ABLIM1: variants seen among roughly 807,000 people sequenced by gnomAD.
ABLIM1 encodes actin binding LIM protein 1, also known as actin-binding LIM protein 1.
Under a neutral mutation model 107.0 loss-of-function variants are expected in ABLIM1, and 40 were observed. The ratio of observed to expected loss-of-function variants is 0.37; its 90% confidence interval spans 0.29 to 0.49. ABLIM1 has a LOEUF of 0.49. Among genes scored for constraint, ABLIM1 ranks in the 20% least tolerant of loss-of-function variants. The probability of loss-of-function intolerance (pLI) is 0.97; values close to 1 mark genes in which losing one functional copy is unlikely to be tolerated. For synonymous variants in ABLIM1, 357 were observed against 357.3 expected (o/e 1.00, Z 0.01); for missense variants, 857 against 1,008.5 (o/e 0.85, Z 2.04).
chr10:114,608,789 TG>T (rs748326090), intron 1 of ABLIM1, among the ~76,000 whole-genome samples: 24 of 151,514 alleles, frequency 1.6e-4, no homozygotes, highest in Non-Finnish European at 2.8e-4. Context: ...CCAAGGCGGG[TG>T]GATCAACTGA....
chr10:114,657,854 T>C (rs1391881920), intron 1 of ABLIM1, 103 bp downstream of exon 1: 2 of 991,020 alleles, frequency 2.0e-6, no homozygotes, highest in Non-Finnish European at 3.0e-6. Context: ...GGATAGTGTT[T>C]CCTTTGAAGA....
intron 15 of ABLIM1, among the ~76,000 whole-genome samples, chr10:114,447,504 C>A (rs902378756): frequency 6.6e-6 from 1 of 152,190 alleles, no homozygotes. Flanking sequence ...TACAAACATT[C>A]GGTAAATTCA....
At chr10:114,453,968 T>G (rs180777865) in intron 12 of ABLIM1, among the ~76,000 whole-genome samples, 1 of 152,342 alleles carries the variant, frequency 6.6e-6, no homozygotes, top group Admixed American at 6.5e-5. Flanking sequence ...GGAACCCGTG[T>G]GGTCACCAAG....
intron 4 of ABLIM1, among the ~76,000 whole-genome samples, chr10:114,560,090 C>T (rs1225493672): frequency 6.6e-6 from 1 of 152,190 alleles, no homozygotes; most frequent in South Asian, 2.1e-4. Flanking sequence ...AGAAAACTGG[C>T]CACCAATGCT....
At chr10:114,453,576 C>T (rs763646704) in intron 12 of ABLIM1, 93 bp from the exon 13 acceptor site, 179 of 1,038,078 alleles carry the variant, frequency 1.7e-4, no homozygotes, top group Non-Finnish European at 2.2e-4. Flanking sequence ...AAACAACAGA[C>T]TGGAAGGAGG....
intron 1 of ABLIM1, among the ~76,000 whole-genome samples, chr10:114,606,477 G>A (rs974636319): frequency 1.3e-4 from 19 of 151,926 alleles, no homozygotes; most frequent in Non-Finnish European, 1.2e-4. Context: ...CTTGTGATCC[G>A]CCCGCCGTGG....
At chr10:114,620,162 G>C (rs2077375996) in intron 1 of ABLIM1, among the ~76,000 whole-genome samples, 1 of 152,308 alleles carries the variant, frequency 6.6e-6, no homozygotes, top group South Asian at 2.1e-4. Flanking sequence ...CATAAAATAA[G>C]TTTAATGGAT....
At chr10:114,545,712 G>T (rs1366431532) in intron 5 of ABLIM1, among the ~76,000 whole-genome samples, 1 of 151,972 alleles carries the variant, frequency 6.6e-6, no homozygotes, top group Non-Finnish European at 1.5e-5. Flanking sequence ...ATCAACTGAG[G>T]TCAGGAGTTT....
chr10:114,584,218 G>A (rs12772307), intron 2 of ABLIM1, among the ~76,000 whole-genome samples: 58,091 of 152,018 alleles, frequency 0.38, 13,024 homozygotes, highest in Non-Finnish European at 0.51. Context: ...AGGCTGTCAT[G>A]TGCTAGAGCT....
chr10:114,603,637 T>TA lies in ABLIM1; in HGVS notation c.245-1677dup, dbSNP rs869124405. 7.9e-3 allele frequency among the ~76,000 whole-genome samples: 1,105 copies of TA among 139,458 alleles called. 14 individuals carry two copies. Among genetic ancestry groups the TA allele is most frequent in the Middle Eastern group, 0.021 (6 of 282 alleles). The allele number at this position is 139,458 out of a possible 152,430, so 91.5% of individuals were successfully genotyped here. ...GCCAAAAAACCTATCCCTTGCACATTAAAAAAAAAAAAAAGAAGAAGAAAA... is the reference window on the plus strand; with the variant it reads ...GCCAAAAAACCTATCCCTTGCACATTAAAAAAAAAAAAAAAGAAGAAGAAAA... On this transcript the variant is annotated intron_variant, in intron 1 of 22. Coordinates refer to ENST00000533213, the MANE Select transcript of ABLIM1 (RefSeq NM_002313.7).
chr10:114,589,572 C>A (rs1053213111), intron 2 of ABLIM1, among the ~76,000 whole-genome samples: 1 of 150,840 alleles, frequency 6.6e-6, no homozygotes, highest in African/African-American at 2.4e-5. Context: ...TGGTATGTTG[C>A]CCAAGCTGGA....
chr10:114,770,462 AAT>A (rs935940825), upstream of ABLIM1, among the ~76,000 whole-genome samples: 16 of 150,294 alleles, frequency 1.1e-4, no homozygotes, highest in Middle Eastern at 3.4e-3. Context: ...TCAACAAGAT[AAT>A]ATGTTTCCTG....
chr10:114,474,042 T>A, intron 8 of ABLIM1, 86 bp from the exon 9 acceptor site: 1 of 982,030 alleles, frequency 1.0e-6, no homozygotes, highest in Non-Finnish European at 1.5e-6. Flanking sequence ...TACTAAAAAC[T>A]CAGCTAGTGA....
chr10:114,465,923 T>C (rs1027886105), intron 11 of ABLIM1, 96 bp from the exon 12 acceptor site: 15 of 1,385,034 alleles, frequency 1.1e-5, no homozygotes, highest in Admixed American at 2.2e-5. Flanking sequence ...TCTACTTGTT[T>C]ATATATATTT....
chr10:114,669,522 T>G (rs1001553000), intron 1 of ABLIM1, among the ~76,000 whole-genome samples: 3 of 152,206 alleles, frequency 2.0e-5, no homozygotes, highest in Non-Finnish European at 4.4e-5. Flanking sequence ...AGTAAAAATG[T>G]GCACAGAAAA....
At chr10:114,653,799 T>C (rs142287550) in intron 1 of ABLIM1, among the ~76,000 whole-genome samples, 115 of 152,386 alleles carry the variant, frequency 7.5e-4, no homozygotes, top group African/African-American at 2.5e-3. Context: ...CTATTTTGTA[T>C]GTTCACTGAT....
At chr10:114,553,490 A>G (rs1021248999) in intron 4 of ABLIM1, among the ~76,000 whole-genome samples, 2 of 152,216 alleles carry the variant, frequency 1.3e-5, no homozygotes, top group African/African-American at 4.8e-5. Context: ...ATGACTATCA[A>G]CCCTATGGCC....
chr10:114,768,556 G>A (rs1182562866), upstream of ABLIM1, among the ~76,000 whole-genome samples: 1 of 152,146 alleles, frequency 6.6e-6, no homozygotes, highest in African/African-American at 2.4e-5. Context: ...CTTGACAGGA[G>A]AGCGAAGACC....
At chr10:114,638,782 T>C (rs1486177942) in intron 1 of ABLIM1, among the ~76,000 whole-genome samples, 5 of 152,194 alleles carry the variant, frequency 3.3e-5, no homozygotes, top group Non-Finnish European at 7.3e-5. Context: ...CAATCCTTTT[T>C]CCAGATACCT....
Sources: allele counts gnomAD v4.1 joint callset (sites outside exome capture counted in the v4.1 genomes callset), GRCh38; gene constraint gnomAD v4.1.1; transcripts MANE v1.5; gene names NCBI Gene and HGNC (gene_info 2026-07-23, HGNC 2026-07-21).